GNB1: variants seen among roughly 807,000 people sequenced by gnomAD.
GNB1 encodes the protein guanine nucleotide-binding protein G(I)/G(S)/G(T) subunit beta-1.
Under a neutral mutation model 42.9 loss-of-function variants are expected in GNB1, and 2 were observed. The observed-to-expected ratio is 0.05, with a 90% CI of 0.02 to 0.15. The LOEUF (loss-of-function observed/expected upper bound fraction) is 0.15, where lower values mean the gene tolerates loss of function less well. Ranked by LOEUF, GNB1 falls within the 10% of genes least tolerant of loss-of-function variation. GNB1 has a pLI of 1.00. For missense variants in GNB1, 193 were observed against 462.2 expected (o/e 0.42, Z 5.34); for synonymous variants, 183 against 174.7 (o/e 1.05, Z -0.38).
intron 10 of GNB1, 195 bp downstream of exon 10, chr1:1,788,858 T>TCTG (rs372419025): frequency 6.2e-5 from 35 of 560,234 alleles, no homozygotes; most frequent in African/African-American, 5.8e-4. Context: ...TGTGGGAAGA[T>TCTG]CTGCTGGTAC....
intron 1 of GNB1, among the ~76,000 whole-genome samples, chr1:1,868,703 C>T (rs1570740401): frequency 6.6e-6 from 1 of 151,378 alleles, no homozygotes; most frequent in African/African-American, 2.4e-5. Context: ...TTGCTTGAAC[C>T]CAGGAGGCGG....
chr1:1,807,713 CTTT>C (rs950959780), intron 5 of GNB1, among the ~76,000 whole-genome samples: 1 of 144,142 alleles, frequency 6.9e-6, no homozygotes. Context: ...TTCTTTTTTT[CTTT>C]TTTTTTTTTG....
intron 1 of GNB1, among the ~76,000 whole-genome samples, chr1:1,851,431 A>T (rs1323011327): frequency 7.1e-6 from 1 of 141,094 alleles, no homozygotes; most frequent in Admixed American, 7.4e-5. Flanking sequence ...AAAAAAAAAA[A>T]TTAGCAGGGC....
chr1:1,837,218 T>G (rs917987787), intron 2 of GNB1, among the ~76,000 whole-genome samples: 11 of 152,138 alleles, frequency 7.2e-5, no homozygotes, highest in Non-Finnish European at 1.2e-4. Flanking sequence ...TTTTCTAATT[T>G]TACGTTTTAT....
intron 7 of GNB1, among the ~76,000 whole-genome samples, chr1:1,802,413 TA>T (rs1029683406): frequency 2.9e-4 from 44 of 152,296 alleles, no homozygotes; most frequent in African/African-American, 7.7e-4. Context: ...TACATCTAAA[TA>T]ACCTATAAGT....
intron 1 of GNB1, among the ~76,000 whole-genome samples, chr1:1,878,954 G>A (rs894611867): frequency 4.6e-5 from 7 of 152,150 alleles, no homozygotes; most frequent in Non-Finnish European, 8.8e-5. Flanking sequence ...CCTTCTGTGG[G>A]TTCTGCGACA....
In GNB1 at chr1:1,811,033, C is replaced by T. The variant is rs116774946; in HGVS notation, c.204-4495G>A. Among the ~76,000 whole-genome samples, 1,245 of 149,434 alleles carry T rather than the reference C, an allele frequency of 8.3e-3. 21 individuals are homozygous for T. Among genetic ancestry groups the T allele is most frequent in the African/African-American group, 0.029 (1,190 of 40,624 alleles). On this transcript the variant is annotated intron_variant, in intron 5 of 11. Transcript: ENST00000378609. Reference sequence around the variant, plus strand: ...GCAGAGTCTCCATCCGTCACCCAGGCGGGAGTGCAATGCGCATGTTTGTGG... The same window carrying T: ...GCAGAGTCTCCATCCGTCACCCAGGTGGGAGTGCAATGCGCATGTTTGTGG...
chr1:1,849,788 T>C (rs994898561), intron 1 of GNB1, among the ~76,000 whole-genome samples: 1 of 151,994 alleles, frequency 6.6e-6, no homozygotes, highest in Admixed American at 6.6e-5. Context: ...GTGTTGAGGG[T>C]TTTTTGTTTA....
intron 1 of GNB1, among the ~76,000 whole-genome samples, chr1:1,840,189 C>T (rs1166343853): frequency 2.0e-5 from 3 of 149,950 alleles, no homozygotes; most frequent in Admixed American, 1.3e-4. Context: ...GATCACGCCA[C>T]TACACTTCAG....
intron 5 of GNB1, among the ~76,000 whole-genome samples, chr1:1,809,116 G>A (rs1363901811): frequency 6.6e-6 from 1 of 151,500 alleles, no homozygotes; most frequent in African/African-American, 2.4e-5. Context: ...CTTTTCACCT[G>A]CACTTTATTA....
At chr1:1,867,652 C>T (rs534718435) in intron 1 of GNB1, among the ~76,000 whole-genome samples, 5 of 152,100 alleles carry the variant, frequency 3.3e-5, no homozygotes, top group African/African-American at 1.2e-4. Flanking sequence ...AAAATAATAA[C>T]CCTTTATCAT....
chr1:1,853,301 C>A (rs565025578), intron 1 of GNB1, among the ~76,000 whole-genome samples: 2 of 152,282 alleles, frequency 1.3e-5, no homozygotes, highest in Middle Eastern at 3.4e-3. Flanking sequence ...ACTCCTCCTA[C>A]GGAAAAAATC....
At chr1:1,815,907 C>T (rs770520722) in intron 4 of GNB1, 45 bp from the exon 5 acceptor site, 5 of 1,146,408 alleles carry the variant, frequency 4.4e-6, no homozygotes, top group Admixed American at 1.8e-5. Context: ...TGTGATTAAA[C>T]GATTCTCCTC....
chr1:1,806,457 GA>G lies in GNB1; in HGVS notation c.267+17del. On this transcript the variant is annotated intron_variant, in intron 6 of 11. Coordinates refer to ENST00000378609, the MANE Select transcript of GNB1 (RefSeq NM_002074.5). The stretch of plus-strand genomic sequence containing the variant: ...TCCTGGGTTGGTTTTTCAAGGAAGG[GA>G]ATCCTCCAGTCCCTACCTTGTTGGT... The G allele has an allele frequency of 6.5e-7, 1 of 1,536,662 alleles. No homozygotes were observed. Among genetic ancestry groups the G allele is most frequent in the Middle Eastern group, 1.7e-4 (1 of 5,912 alleles).
chr1:1,793,217 C>T (rs1646504085), intron 8 of GNB1, 28 bp downstream of exon 8: 4 of 1,517,450 alleles, frequency 2.6e-6, no homozygotes, highest in South Asian at 2.3e-5. Flanking sequence ...GTTCTCAAGG[C>T]ACTGCCTGCC....
intron 5 of GNB1, among the ~76,000 whole-genome samples, chr1:1,806,809 A>G (rs1342416164): frequency 2.6e-5 from 4 of 152,186 alleles, no homozygotes; most frequent in East Asian, 1.9e-4. Context: ...CCCTGTCTCT[A>G]TTAAAAATAC....
intron 6 of GNB1, among the ~76,000 whole-genome samples, chr1:1,805,889 T>C (rs1172210367): frequency 6.6e-6 from 1 of 152,188 alleles, no homozygotes; most frequent in Non-Finnish European, 1.5e-5. Flanking sequence ...ATTCCTACAA[T>C]CTACCCTGCC....
chr1:1,879,939 T>C (rs946387454), intron 1 of GNB1, among the ~76,000 whole-genome samples: 2 of 152,024 alleles, frequency 1.3e-5, no homozygotes, highest in African/African-American at 2.4e-5. Context: ...GTTGTTGTTG[T>C]TGTTTTTTAA....
chr1:1,826,408 C>T (rs1290382115), intron 2 of GNB1, among the ~76,000 whole-genome samples: 1 of 152,146 alleles, frequency 6.6e-6, no homozygotes, highest in Non-Finnish European at 1.5e-5. Context: ...CAGAGCGAGA[C>T]TCCATCTCAA....
Sources: gnomAD v4.1 joint callset for allele counts (sites outside exome capture counted in the v4.1 genomes callset) on GRCh38, gnomAD v4.1.1 for gene constraint, MANE v1.5 for transcripts, NCBI Gene and HGNC (gene_info 2026-07-23, HGNC 2026-07-21) for gene names.